The following ZFHX3 variants were observed in gnomAD, a reference collection of about 807,000 sequenced individuals.
ZFHX3 encodes the protein zinc finger homeobox protein 3.
A neutral mutation model predicts 279.1 loss-of-function variants in ZFHX3; 42 were observed. The ratio of observed to expected loss-of-function variants is 0.15; its 90% CI spans 0.12 to 0.19. The LOEUF (loss-of-function observed/expected upper bound fraction) is 0.19, where lower values mean the gene tolerates loss of function less well. Among genes scored for constraint, ZFHX3 ranks in the 10% least tolerant of loss-of-function variants. The pLI is 1.00. For synonymous variants in ZFHX3, 2,293 were observed against 1,957.8 expected (o/e 1.17, Z -4.52); for missense variants, 4,981 against 4,754.0 (o/e 1.05, Z -1.40).
intron 2 of ZFHX3, among the ~76,000 whole-genome samples, chr16:73,661,494 G>T (rs2052784037): frequency 6.6e-6 from 1 of 152,140 alleles, no homozygotes; most frequent in South Asian, 2.1e-4. Context: ...GCAGAGGCAG[G>T]CAGATCAGTT....
chr16:73,068,346 C>G (rs1965780738), intron 8 of ZFHX3, among the ~76,000 whole-genome samples: 1 of 152,088 alleles, frequency 6.6e-6, no homozygotes, highest in African/African-American at 2.4e-5. Flanking sequence ...GGCTGAGGCG[C>G]AGGAAATAAA....
chr16:72,909,737 G>C (rs2039272004), intron 3 of ZFHX3, among the ~76,000 whole-genome samples: 1 of 151,972 alleles, frequency 6.6e-6, no homozygotes, highest in East Asian at 1.9e-4. Flanking sequence ...AATTAGCTGG[G>C]CATGGTGGCG....
intron 2 of ZFHX3, among the ~76,000 whole-genome samples, chr16:73,577,203 ATAATACT>A (rs1369582214): frequency 6.6e-6 from 1 of 152,164 alleles, no homozygotes; most frequent in Admixed American, 6.5e-5. Flanking sequence ...TGATAAAAAA[ATAATACT>A]TTATATTTTT....
intron 1 of ZFHX3, among the ~76,000 whole-genome samples, chr16:72,999,576 C>T (rs562079233): frequency 1.8e-4 from 28 of 152,338 alleles, no homozygotes; most frequent in African/African-American, 5.8e-4. Context: ...ACAGCAACCG[C>T]TAACCAGAAA....
upstream of ZFHX3, among the ~76,000 whole-genome samples, chr16:73,059,976 G>A (rs749320839): frequency 1.2e-3 from 185 of 152,218 alleles, no homozygotes; most frequent in Middle Eastern, 6.8e-3. Flanking sequence ...GTTGCACTTG[G>A]AAACAAGTCC....
At chr16:72,983,568 G>A (rs1290105655) in intron 1 of ZFHX3, among the ~76,000 whole-genome samples, 1 of 152,204 alleles carries the variant, frequency 6.6e-6, no homozygotes, top group Non-Finnish European at 1.5e-5. Flanking sequence ...TTAGCTGGGA[G>A]TGGTGGCACC....
At chr16:73,539,231 G>A (rs749230043) in intron 2 of ZFHX3, among the ~76,000 whole-genome samples, 2 of 151,416 alleles carry the variant, frequency 1.3e-5, no homozygotes, top group Non-Finnish European at 2.9e-5. Flanking sequence ...TGGTGGACAC[G>A]TGCATAGTAC....
At chr16:73,377,520 A>G (rs1393819234) in intron 3 of ZFHX3, among the ~76,000 whole-genome samples, 2 of 152,102 alleles carry the variant, frequency 1.3e-5, no homozygotes, top group Non-Finnish European at 2.9e-5. Context: ...TTGGAAATCA[A>G]TGTGTAAAGA....
At chr16:73,342,929 CAG>C (rs1350831765) in intron 3 of ZFHX3, among the ~76,000 whole-genome samples, 2 of 152,180 alleles carry the variant, frequency 1.3e-5, no homozygotes, top group African/African-American at 2.4e-5. Flanking sequence ...GACCTTCCAA[CAG>C]AGAGTTCTGA....
intron 2 of ZFHX3, among the ~76,000 whole-genome samples, chr16:73,610,728 G>C (rs566541509): frequency 6.6e-6 from 1 of 152,136 alleles, no homozygotes; most frequent in Non-Finnish European, 1.5e-5. Context: ...GATCAGGCTG[G>C]GATAGAAAGG....
Position 73,290,678 on chromosome 16 carries a change from C to A in ZFHX3, c.-1194+27562G>T, listed in dbSNP as rs527332173. Among the ~76,000 whole-genome samples, 5 of 152,314 alleles carry A rather than the reference C, an allele frequency of 3.3e-5. No individual in the cohort carries two copies. The East Asian group carries it at 9.7e-4, about 29-fold the overall frequency. On this transcript the variant is annotated intron_variant, in intron 4 of 17. Transcript: ENST00000641206. ...TGCTACATGTCACAAAGCTGCTTGTCTTTCACTGGGAGCCTGCTCTCTTCC... is the reference window on the plus strand; with the variant it reads ...TGCTACATGTCACAAAGCTGCTTGTATTTCACTGGGAGCCTGCTCTCTTCC...
rs573739372 is a variant in ZFHX3 at position 72,853,083 on chromosome 16, C to T, written c.3449-23224G>A. On this transcript the variant is annotated intron_variant, in intron 4 of 9. Transcript: ENST00000268489. ...GGACAAGAAAATCACCTCTTTGACT[C>T]TGTTTGCTCACCTGAGGGATGACAA... Among the ~76,000 whole-genome samples, 10 of 152,348 alleles carry T rather than the reference C, an allele frequency of 6.6e-5. No homozygotes were observed. In the South Asian group the frequency reaches 1.9e-3, roughly 28 times the overall value.
chr16:72,783,917 G>C lies in ZFHX3; in HGVS notation c.*3247C>G, dbSNP rs1049696057. 1 of 152,276 alleles carries C rather than the reference G, an allele frequency of 6.6e-6. No homozygotes were observed. The highest frequency in any genetic ancestry group is 1.5e-5 in the Non-Finnish European group (1 of 68,058). The allele number at this position is 152,276 out of a possible 1,614,324, so 9.4% of individuals were successfully genotyped here. A position where few individuals can be genotyped will look rare whatever the true frequency, so the allele number is the denominator to read the frequency against. On this transcript the variant is annotated 3_prime_UTR_variant, in exon 10 of 10. Coordinates refer to ENST00000268489, the MANE Select transcript of ZFHX3 (RefSeq NM_006885.4). ...AGTACTGGTCATAGCCACGATGGCT[G>C]TCAGCCCACAAACATCTAACTCATG... is the stretch of plus-strand genomic sequence containing the variant.
At chr16:73,557,229 G>A (rs540676317) in intron 2 of ZFHX3, among the ~76,000 whole-genome samples, 28 of 151,686 alleles carry the variant, frequency 1.8e-4, no homozygotes, top group African/African-American at 6.5e-4. Context: ...GGCCAACAAA[G>A]GTTGCCTGGT....
In ZFHX3 at chr16:73,805,630, T is replaced by C. The variant is rs541479499; in HGVS notation, c.-1608+86021A>G. On this transcript the variant is annotated intron_variant, in intron 1 of 17. Transcript: ENST00000641206. ...TGGAAATCACTTATTCATTTATTGA[T>C]GAAACAAACATGTTAAGCACCAATG... is the stretch of plus-strand genomic sequence containing the variant. 7.2e-5 allele frequency among the ~76,000 whole-genome samples: 11 copies of C among 152,346 alleles called. No individual in the cohort carries two copies. In the East Asian group the frequency reaches 2.1e-3, roughly 29 times the overall value.
chr16:73,210,466 T>C (rs1380436417), intron 5 of ZFHX3, among the ~76,000 whole-genome samples: 1 of 152,196 alleles, frequency 6.6e-6, no homozygotes, highest in Non-Finnish European at 1.5e-5. Flanking sequence ...TTGAGTTGCT[T>C]ATCAAGAGTG....
chr16:73,094,622 G>T (rs535400570), intron 7 of ZFHX3: 1 of 151,916 alleles, frequency 6.6e-6, no homozygotes, highest in East Asian at 1.9e-4. Flanking sequence ...ACCAGATCAC[G>T]GTGGGTCCAC....
intron 4 of ZFHX3, among the ~76,000 whole-genome samples, chr16:72,878,352 C>T (rs559081681): frequency 6.6e-6 from 1 of 152,306 alleles, no homozygotes; most frequent in South Asian, 2.1e-4. Context: ...TTCACTGGTG[C>T]CAGTGCCGGT....
At chr16:73,473,546 C>A (rs888815726) in intron 2 of ZFHX3, among the ~76,000 whole-genome samples, 6 of 151,990 alleles carry the variant, frequency 3.9e-5, no homozygotes, top group Non-Finnish European at 8.8e-5. Context: ...TTATATGAGA[C>A]CAGAGTAGAA....
Sources: allele counts gnomAD v4.1 joint callset (sites outside exome capture counted in the v4.1 genomes callset), GRCh38; gene constraint gnomAD v4.1.1; transcripts MANE v1.5; gene names NCBI Gene and HGNC (gene_info 2026-07-23, HGNC 2026-07-21).